The following DOP1B variants were observed in gnomAD, a reference collection of about 807,000 sequenced individuals.
DOP1B encodes DOP1 leucine zipper like protein B, also known as protein DOP1B.
A neutral mutation model predicts 233.5 loss-of-function variants in DOP1B; 174 were observed. The observed-to-expected ratio is 0.75, with a 90% CI of 0.66 to 0.85. The LOEUF is 0.85. Among genes scored for constraint, DOP1B ranks in the 40% least tolerant of loss-of-function variants. The pLI is 0.00. For synonymous variants in DOP1B, 1,190 were observed against 1,185.6 expected, an observed-to-expected ratio of 1.00 and a Z score of -0.08; for missense variants, 2,652 against 2,846.6, an observed-to-expected ratio of 0.93 and a Z score of 1.56.
In DOP1B at chr21:36,270,023, A is replaced by T; in HGVS notation, c.5498A>T (p.Gln1833Leu). The change falls in exon 27 of 37, where the codon CAG becomes CTG. Residue 1833 changes from glutamine (Q) to leucine (L), a missense_variant. Around this residue, in one of 3 missense-constraint regions of DOP1B, gnomAD observed 2,617 missense variants for 2,794.3 expected, o/e 0.94. Transcript: ENST00000691173. ...KDQKDLQEIT[Q>L]KILEAVGNIA... The stretch of plus-strand genomic sequence containing the variant: ...CCTGATAATTCTCAGGAAATCACTC[A>T]GAAAATCCTAGAAGCTGTGGGGAAC... 1 of 1,613,878 alleles carries T rather than the reference A, an allele frequency of 6.2e-7. No individual in the cohort carries two copies. Among genetic ancestry groups the T allele is most frequent in the Non-Finnish European group, 8.5e-7 (1 of 1,179,924 alleles).
intron 4 of DOP1B, among the ~76,000 whole-genome samples, chr21:36,200,839 G>GAAA (rs67599618): frequency 1.5e-5 from 2 of 134,330 alleles, no homozygotes; most frequent in South Asian, 2.4e-4. Flanking sequence ...ACTCTGTCTC[G>GAAA]AAAAAAAAAA....
At chr21:36,192,418 CG>C (rs1292771256) in intron 2 of DOP1B, among the ~76,000 whole-genome samples, 9 of 146,882 alleles carry the variant, frequency 6.1e-5, no homozygotes, top group Non-Finnish European at 1.3e-4. Flanking sequence ...AGACAAGAGT[CG>C]CCCAGGCTGG....
intron 22 of DOP1B, among the ~76,000 whole-genome samples, chr21:36,252,269 A>G (rs1204898412): frequency 6.6e-6 from 1 of 151,812 alleles, no homozygotes; most frequent in African/African-American, 2.4e-5. Flanking sequence ...TATTTGTAGT[A>G]CCATCTTATT....
chr21:36,210,534 A>G (rs888774198), intron 5 of DOP1B, among the ~76,000 whole-genome samples: 3 of 152,104 alleles, frequency 2.0e-5, no homozygotes, highest in Non-Finnish European at 4.4e-5. Flanking sequence ...AGTCCCAGCT[A>G]CTCAGGAGGC....
intron 23 of DOP1B, among the ~76,000 whole-genome samples, chr21:36,258,379 T>C (rs1205895449): frequency 1.3e-5 from 2 of 151,830 alleles, no homozygotes; most frequent in Non-Finnish European, 2.9e-5. Context: ...TGCACTCCAG[T>C]ACAGAGCAAG....
At chr21:36,280,686 C>T (rs568197640) in intron 31 of DOP1B, among the ~76,000 whole-genome samples, 3 of 152,298 alleles carry the variant, frequency 2.0e-5, no homozygotes, top group East Asian at 3.9e-4. Flanking sequence ...CCTTCTCATG[C>T]ACTATCATTA....
At position 36,219,425 on chromosome 21, in the gene DOP1B, T is replaced by C; in HGVS notation, c.1183T>C (p.Tyr395His). The C allele has an allele frequency of 6.2e-7, 1 of 1,614,230 alleles. No homozygotes were observed. The highest frequency in any genetic ancestry group is 1.1e-5 in the South Asian group (1 of 91,090). Residue 395 changes from tyrosine to histidine, a missense_variant, in exon 10 of 37, where the codon TAC becomes CAC. This residue lies in a region of DOP1B where 2,617 missense variants were observed against 2,794.3 expected (regional missense o/e 0.94). Transcript: ENST00000691173. ...CGAAGTCATCAGGGCCTTTTATTCT[T>C]ACTGCAGAGATGCCCTTGGCTCTGA... Reference protein sequence around the residue: ...FLEVIRAFYSYCRDALGSDLK... With the variant: ...FLEVIRAFYSHCRDALGSDLK...
chr21:36,271,906 G>T (rs982312736), intron 27 of DOP1B, among the ~76,000 whole-genome samples: 1 of 151,686 alleles, frequency 6.6e-6, no homozygotes, highest in African/African-American at 2.4e-5. Context: ...GCTGAGGTGG[G>T]CGGGTCGCCT....
chr21:36,237,524 C>A, intron 16 of DOP1B, 110 bp downstream of exon 16: 1 of 1,348,738 alleles, frequency 7.4e-7, no homozygotes, highest in Non-Finnish European at 1.0e-6. Flanking sequence ...GCTGAGTGGA[C>A]ATCGTGATTA....
At chr21:36,284,227 G>GT (rs2067454148) in intron 32 of DOP1B, among the ~76,000 whole-genome samples, 1 of 149,118 alleles carries the variant, frequency 6.7e-6, no homozygotes, top group Non-Finnish European at 1.5e-5. Context: ...TGGGATTACA[G>GT]GCATGAGCCA....
chr21:36,231,280 A>G (rs1831384502), intron 14 of DOP1B, 146 bp downstream of exon 14: 13 of 1,066,418 alleles, frequency 1.2e-5, no homozygotes, highest in African/African-American at 3.2e-5. Context: ...TATTTGCCTT[A>G]CACTTACCGA....
chr21:36,244,915 G>A (rs553367378), intron 18 of DOP1B, 133 bp from the exon 19 acceptor site: 3 of 860,400 alleles, frequency 3.5e-6, no homozygotes, highest in Non-Finnish European at 5.2e-6. Context: ...CCGGACTCTG[G>A]TGGTGGTGTT....
intron 15 of DOP1B, 86 bp downstream of exon 15, chr21:36,233,161 T>C (rs1437782199): frequency 1.3e-6 from 2 of 1,487,784 alleles, no homozygotes; most frequent in Non-Finnish European, 1.8e-6. Context: ...ATGGGGGCAG[T>C]GGCCCACTTC....
chr21:36,237,488 A>G, intron 16 of DOP1B, 74 bp downstream of exon 16: 1 of 1,573,060 alleles, frequency 6.4e-7, no homozygotes, highest in Non-Finnish European at 8.7e-7. Flanking sequence ...GCCAACTGAC[A>G]TCCATTCGGT....
chr21:36,222,651 T>C (rs1321929559), intron 10 of DOP1B, among the ~76,000 whole-genome samples: 2 of 152,154 alleles, frequency 1.3e-5, no homozygotes, highest in Non-Finnish European at 2.9e-5. Flanking sequence ...CCATGTACCA[T>C]GTTATTCCAC....
At chr21:36,283,145 A>G (rs1425378112) in intron 32 of DOP1B, among the ~76,000 whole-genome samples, 2 of 151,312 alleles carry the variant, frequency 1.3e-5, no homozygotes, top group Admixed American at 6.6e-5. Flanking sequence ...GCAGTGGCGC[A>G]GTCTCGCCTC....
At chr21:36,183,735 T>C (rs1018351961) in intron 2 of DOP1B, among the ~76,000 whole-genome samples, 1 of 152,242 alleles carries the variant, frequency 6.6e-6, no homozygotes, top group African/African-American at 2.4e-5. Context: ...ACTCTGCCTC[T>C]TTGTTCTGAG....
rs2067260649 is a variant in DOP1B, at chr21:36,269,222, C to G, written c.5488-791C>G. Among the ~76,000 whole-genome samples the G allele has an allele frequency of 1.3e-5, 2 of 152,082 alleles. 1 individual carries two copies. The highest frequency in any genetic ancestry group is 4.1e-4 in the South Asian group (2 of 4,822). On this transcript the variant is annotated intron_variant, in intron 26 of 36. Coordinates refer to ENST00000691173, the MANE Select transcript of DOP1B (RefSeq NM_001320714.2). ...CCAGGCTGGAGTGCAATGGCATGAT[C>G]TAGGCTCACTGCAACCTCCACCTCC...
At chr21:36,266,884 T>C (rs1464232940) in intron 26 of DOP1B, among the ~76,000 whole-genome samples, 1 of 152,226 alleles carries the variant, frequency 6.6e-6, no homozygotes, top group East Asian at 1.9e-4. Context: ...CACTCAGTGC[T>C]TTCATCAGTC....
Sources: allele counts gnomAD v4.1 joint callset (sites outside exome capture counted in the v4.1 genomes callset), GRCh38; gene constraint gnomAD v4.1.1; regional missense constraint gnomAD v4.1.1; transcripts MANE v1.5; gene names NCBI Gene and HGNC (gene_info 2026-07-23, HGNC 2026-07-21).